PPP6R3: variants seen among roughly 807,000 people sequenced by gnomAD.
The protein encoded by PPP6R3 is serine/threonine-protein phosphatase 6 regulatory subunit 3.
PPP6R3 carries 38 observed loss-of-function variants against 110.7 expected under a neutral mutation model. The ratio of observed to expected loss-of-function variants is 0.34; its 90% CI spans 0.26 to 0.45. PPP6R3 has a LOEUF of 0.45. Among genes scored for constraint, PPP6R3 ranks in the 20% least tolerant of loss-of-function variants. The pLI is 1.00. For synonymous variants in PPP6R3, 369 were observed against 373.5 expected (o/e 0.99, Z 0.14); for missense variants, 870 against 1,062.4 (o/e 0.82, Z 2.52).
At chr11:68,464,156 T>C (rs575436771) in intron 1 of PPP6R3, among the ~76,000 whole-genome samples, 3 of 152,300 alleles carry the variant, frequency 2.0e-5, no homozygotes, top group African/African-American at 7.2e-5. Flanking sequence ...TTTTTTGAGA[T>C]GAGTCTAGCT....
intron 1 of PPP6R3, among the ~76,000 whole-genome samples, chr11:68,496,909 T>G (rs2099019990): frequency 7.2e-6 from 1 of 138,116 alleles, no homozygotes; most frequent in Admixed American, 8.1e-5. Context: ...TTGCCCAGGC[T>G]GGAGTGCAGT....
chr11:68,586,764 C>T (rs572173529), intron 15 of PPP6R3: 2 of 152,212 alleles, frequency 1.3e-5, no homozygotes, highest in African/African-American at 2.4e-5. Context: ...TAATTCCCTG[C>T]CACCAGAATG....
chr11:68,535,824 C>T (rs2099267450), intron 2 of PPP6R3, among the ~76,000 whole-genome samples: 1 of 139,466 alleles, frequency 7.2e-6, no homozygotes. Flanking sequence ...AAAAAAAAAT[C>T]AGCCGGGTGT....
intron 5 of PPP6R3, among the ~76,000 whole-genome samples, chr11:68,550,161 G>A (rs1231966954): frequency 6.6e-6 from 1 of 152,160 alleles, no homozygotes; most frequent in South Asian, 2.1e-4. Context: ...AAGATTCTCG[G>A]AGAATTTGTG....
intron 1 of PPP6R3, among the ~76,000 whole-genome samples, chr11:68,511,591 C>T (rs568769928): frequency 1.3e-5 from 2 of 151,258 alleles, no homozygotes; most frequent in South Asian, 2.1e-4. Context: ...AGTGATTCCC[C>T]TGCCTCAGCT....
intron 5 of PPP6R3, 59 bp from the exon 6 acceptor site, chr11:68,551,062 A>T (rs1167875601): frequency 4.2e-6 from 5 of 1,182,458 alleles, no homozygotes; most frequent in Non-Finnish European, 6.2e-6. Context: ...GTTAATCTAC[A>T]TTGGGGCTTG....
intron 12 of PPP6R3, among the ~76,000 whole-genome samples, chr11:68,573,115 T>TATATATAC: frequency 1.7e-4 from 1 of 5,788 alleles, no homozygotes; most frequent in South Asian, 5.8e-3. Flanking sequence ...TTACTTATTT[T>TATATATAC]ATATATATAT....
chr11:68,601,644 G>T (rs1223648627), intron 20 of PPP6R3, among the ~76,000 whole-genome samples: 2 of 152,160 alleles, frequency 1.3e-5, no homozygotes, highest in Non-Finnish European at 2.9e-5. Flanking sequence ...TTACTGCCTT[G>T]CTGGCTTAAC....
chr11:68,528,688 G>C (rs551676641), intron 2 of PPP6R3, among the ~76,000 whole-genome samples: 53 of 152,246 alleles, frequency 3.5e-4, no homozygotes, highest in African/African-American at 1.3e-3. Flanking sequence ...ACTTCCGTGG[G>C]AGTGACTCTG....
At chr11:68,555,638 C>T (rs1405194224) in intron 7 of PPP6R3, among the ~76,000 whole-genome samples, 1 of 152,150 alleles carries the variant, frequency 6.6e-6, no homozygotes, top group African/African-American at 2.4e-5. Flanking sequence ...TTATTTGGAC[C>T]CAATGTGTAA....
At chr11:68,545,909 A>G (rs773790570) in intron 4 of PPP6R3, among the ~76,000 whole-genome samples, 2 of 152,252 alleles carry the variant, frequency 1.3e-5, no homozygotes, top group Non-Finnish European at 2.9e-5. Context: ...ATTTGCCAGA[A>G]TTGCAAGTAT....
rs12281057 is a variant in PPP6R3, at chr11:68,467,015, A to G, written c.-158+6188A>G. Among the ~76,000 whole-genome samples the G allele has an allele frequency of 4.3e-3, 648 of 152,342 alleles. 3 individuals are homozygous for G. The highest frequency in any genetic ancestry group is 0.014 in the African/African-American group (602 of 41,572). On this transcript the variant is annotated intron_variant, in intron 1 of 23. Transcript: ENST00000393800. ...CTTGGCCTCCCAAAGTGCTGGGATT[A>G]CAGGCGTGAGCCGCTGCACCCGGCC...
intron 19 of PPP6R3, among the ~76,000 whole-genome samples, chr11:68,598,128 C>CT (rs1252892520): frequency 3.3e-5 from 5 of 152,218 alleles, no homozygotes; most frequent in Non-Finnish European, 4.4e-5. Flanking sequence ...ATTCTACTCT[C>CT]TGTTTCTCTG....
rs745919029 is a variant in PPP6R3 at position 68,603,500 on chromosome 11, G to C, written c.2450+8G>C. 2 of 1,614,062 alleles carry C rather than the reference G, an allele frequency of 1.2e-6. No homozygotes were observed. The highest frequency in any genetic ancestry group is 1.1e-5 in the South Asian group (1 of 91,058). Reference sequence around the variant, plus strand: ...GACTGCGGTCTTCAAAAGGTAACCAGGGGTGAGATCCTGCTGGTAGCTTCA... The same window carrying C: ...GACTGCGGTCTTCAAAAGGTAACCACGGGTGAGATCCTGCTGGTAGCTTCA... On this transcript the variant is annotated splice_region_variant and intron_variant, in intron 22 of 23. Transcript: ENST00000393800.
chr11:68,542,389 G>GTTTTTTTTTTGTTT (rs1555132282), intron 3 of PPP6R3, among the ~76,000 whole-genome samples: 6,709 of 40,412 alleles, frequency 0.17, 2,232 homozygotes, highest in Middle Eastern at 0.27. Context: ...AGAAGCTGCT[G>GTTTTTTTTTTGTTT]TTTTTTTTTT....
At chr11:68,530,945 A>C (rs2099235486) in intron 2 of PPP6R3, among the ~76,000 whole-genome samples, 1 of 152,120 alleles carries the variant, frequency 6.6e-6, no homozygotes, top group South Asian at 2.1e-4. Flanking sequence ...TGTGGGTAGG[A>C]TCACCAGTAG....
At chr11:68,480,171 CT>C (rs2098894797) in intron 1 of PPP6R3, among the ~76,000 whole-genome samples, 1 of 152,304 alleles carries the variant, frequency 6.6e-6, no homozygotes, top group African/African-American at 2.4e-5. Flanking sequence ...GTTGTTTCAG[CT>C]ATACGGACCA....
chr11:68,533,523 G>A (rs1000203723), intron 2 of PPP6R3, among the ~76,000 whole-genome samples: 2 of 151,836 alleles, frequency 1.3e-5, no homozygotes, highest in African/African-American at 4.8e-5. Context: ...GAGCAACATA[G>A]TGAGAACCTG....
chr11:68,529,377 C>T (rs2099223011), intron 2 of PPP6R3, among the ~76,000 whole-genome samples: 1 of 152,116 alleles, frequency 6.6e-6, no homozygotes, highest in Non-Finnish European at 1.5e-5. Context: ...TGCCATTGTG[C>T]CCGGCTAATT....
Sources: allele counts gnomAD v4.1 joint callset (sites outside exome capture counted in the v4.1 genomes callset), GRCh38; gene constraint gnomAD v4.1.1; transcripts MANE v1.5; gene names NCBI Gene and HGNC (gene_info 2026-07-23, HGNC 2026-07-21).